KITLG: variants seen among roughly 807,000 people sequenced by gnomAD.
KITLG encodes the protein c-Kit ligand.
KITLG carries 13 observed loss-of-function variants against 34.1 expected under a neutral mutation model. The ratio of observed to expected loss-of-function variants is 0.38; its 90% CI spans 0.25 to 0.61. The LOEUF (loss-of-function observed/expected upper bound fraction) is 0.61. Among genes scored for constraint, KITLG ranks in the 20% least tolerant of loss-of-function variants. The pLI, the probability that KITLG is intolerant of heterozygous loss-of-function variation, is 0.60. For synonymous variants in KITLG, 110 were observed against 104.0 expected (o/e 1.06, Z -0.35); for missense variants, 292 against 318.9 (o/e 0.92, Z 0.64).
At chr12:88,566,552 G>C (rs1434687635) in intron 1 of KITLG, among the ~76,000 whole-genome samples, 1 of 152,190 alleles carries the variant, frequency 6.6e-6, no homozygotes, top group African/African-American at 2.4e-5. Context: ...ACTTCCTGGA[G>C]TAGAGACCAT....
Position 88,495,657 on chromosome 12 carries a change from T to C in KITLG, c.*1562A>G, listed in dbSNP as rs936933438. 6 of 152,574 alleles carry C rather than the reference T, an allele frequency of 3.9e-5. No individual in the cohort carries two copies. The highest frequency in any genetic ancestry group is 1.4e-4 in the African/African-American group (6 of 41,450). The allele number at this position is 152,574 out of a possible 1,614,324, so 9.5% of individuals were successfully genotyped here. On this transcript the variant is annotated 3_prime_UTR_variant, in exon 10 of 10. Coordinates refer to ENST00000644744, the MANE Select transcript of KITLG (RefSeq NM_000899.5). ...TAAAATCCAAATATACTAGAAATTC[T>C]TGGACTTTTGAAATGAAAGGAAAGC...
intron 3 of KITLG, among the ~76,000 whole-genome samples, chr12:88,521,134 T>C (rs1001194527): frequency 1.3e-5 from 2 of 152,204 alleles, no homozygotes; most frequent in Non-Finnish European, 2.9e-5. Flanking sequence ...GAATCATAAA[T>C]TCAAAGTTCT....
intron 1 of KITLG, among the ~76,000 whole-genome samples, chr12:88,559,548 T>C (rs1255021220): frequency 6.6e-6 from 1 of 152,090 alleles, no homozygotes; most frequent in African/African-American, 2.4e-5. Context: ...TTGAAGTATA[T>C]CCCAGGTTTC....
intron 1 of KITLG, among the ~76,000 whole-genome samples, chr12:88,548,238 G>A (rs983000894): frequency 3.9e-5 from 6 of 152,000 alleles, no homozygotes; most frequent in Non-Finnish European, 5.9e-5. Context: ...GGCGGATCAC[G>A]AGGTCAGGAG....
intron 1 of KITLG, among the ~76,000 whole-genome samples, chr12:88,572,978 G>A (rs533603733): frequency 6.6e-6 from 1 of 152,224 alleles, no homozygotes; most frequent in East Asian, 1.9e-4. Context: ...CCAAACTAAA[G>A]CAATCACAGA....
chr12:88,568,768 G>A (rs573665967), intron 1 of KITLG, among the ~76,000 whole-genome samples: 6 of 152,072 alleles, frequency 3.9e-5, no homozygotes, highest in African/African-American at 7.2e-5. Flanking sequence ...ATTGTGAATC[G>A]TGATTACAAA....
chr12:88,556,620 G>T (rs1237948359), intron 1 of KITLG, among the ~76,000 whole-genome samples: 1 of 152,212 alleles, frequency 6.6e-6, no homozygotes, highest in Non-Finnish European at 1.5e-5. Context: ...TCCAGTTTGG[G>T]TGACTGTGTA....
At chr12:88,547,550 A>T (rs1444533916) in intron 1 of KITLG, among the ~76,000 whole-genome samples, 1 of 152,196 alleles carries the variant, frequency 6.6e-6, no homozygotes, top group Non-Finnish European at 1.5e-5. Context: ...ACTGTCCCTT[A>T]ATAACAGTCT....
chr12:88,509,696 A>G (rs1869201622), intron 6 of KITLG, among the ~76,000 whole-genome samples: 1 of 152,174 alleles, frequency 6.6e-6, no homozygotes, highest in Non-Finnish European at 1.5e-5. Flanking sequence ...CATAGAGGTC[A>G]ATGTTACCTC....
At chr12:88,560,207 T>C (rs1415753077) in intron 1 of KITLG, among the ~76,000 whole-genome samples, 1 of 152,218 alleles carries the variant, frequency 6.6e-6, no homozygotes, top group Non-Finnish European at 1.5e-5. Context: ...TACATGACTA[T>C]TAATGCTCTA....
intron 3 of KITLG, among the ~76,000 whole-genome samples, chr12:88,527,347 CA>C (rs1423122964): frequency 6.6e-6 from 1 of 152,036 alleles, no homozygotes; most frequent in Non-Finnish European, 1.5e-5. Flanking sequence ...CCTCAGGTAT[CA>C]AAGAAAATGG....
In KITLG at chr12:88,545,760, T is replaced by G. The variant is rs772453752; in HGVS notation, c.121A>C (p.Thr41Pro). The G allele has an allele frequency of 5.7e-6, 9 of 1,577,074 alleles. No homozygotes were observed. The Admixed American group carries it at 1.2e-4, about 20-fold the overall frequency. The change falls in exon 2 of 10, where the codon ACT becomes CCT. Residue 41 changes from threonine to proline, a missense_variant. By Grantham distance (38) the Thr-to-Pro change is conservative (BLOSUM62 -1). This residue lies in a region of KITLG where 152 missense variants were observed against 207.9 expected (regional missense o/e 0.73). Coordinates refer to ENST00000644744, the MANE Select transcript of KITLG (RefSeq NM_000899.5). ...AAGCATTCCTTACTTACCAATTTAG[T>G]GACGTCTTTTACATTATTAGTCACA... is the stretch of plus-strand genomic sequence containing the variant. ...NRVTNNVKDV[T>P]KLVANLPKDY...
In KITLG at chr12:88,545,764, G is replaced by A. The variant is rs551116470; in HGVS notation, c.117C>T (p.Asp39=). ...ATTCCTTACTTACCAATTTAGTGAC[G>A]TCTTTTACATTATTAGTCACACGAT... is the stretch of plus-strand genomic sequence containing the variant. The part of the protein sequence containing the change: ...CRNRVTNNVK[D]VTKLVANLPK... The change falls in exon 2 of 10, where the codon GAC becomes GAT. Residue 39 remains aspartate (D), a synonymous_variant. Transcript: ENST00000644744. 6.9e-6 allele frequency: 11 copies of A among 1,585,284 alleles called. No homozygotes were observed. Among genetic ancestry groups the A allele is most frequent in the African/African-American group, 2.7e-5 (2 of 74,376 alleles).
chr12:88,578,077 C>G (rs1466507185), intron 1 of KITLG, among the ~76,000 whole-genome samples: 1 of 152,184 alleles, frequency 6.6e-6, no homozygotes, highest in Non-Finnish European at 1.5e-5. Context: ...GTCCAATTTA[C>G]ATAGGCTACC....
chr12:88,563,798 T>C (rs1162945807), intron 1 of KITLG, among the ~76,000 whole-genome samples: 1 of 151,990 alleles, frequency 6.6e-6, no homozygotes, highest in Middle Eastern at 3.2e-3. Flanking sequence ...CCACCTCTAC[T>C]AAAAATACAA....
At chr12:88,525,183 C>T (rs576306464) in intron 3 of KITLG, among the ~76,000 whole-genome samples, 7 of 152,182 alleles carry the variant, frequency 4.6e-5, no homozygotes, top group African/African-American at 7.2e-5. Context: ...TAGAATGAGG[C>T]GGAGAAACAG....
intron 2 of KITLG, among the ~76,000 whole-genome samples, chr12:88,539,661 C>T (rs2120897602): frequency 6.6e-6 from 1 of 152,242 alleles, no homozygotes; most frequent in Non-Finnish European, 1.5e-5. Context: ...GTGGTTCATA[C>T]CTGTAATCCT....
At chr12:88,573,192 A>G (rs1023227655) in intron 1 of KITLG, among the ~76,000 whole-genome samples, 1 of 152,168 alleles carries the variant, frequency 6.6e-6, no homozygotes, top group Non-Finnish European at 1.5e-5. Context: ...CTCCATCTAG[A>G]GTTCTGCAGT....
At chr12:88,527,440 G>A (rs1869915956) in intron 3 of KITLG, among the ~76,000 whole-genome samples, 1 of 152,198 alleles carries the variant, frequency 6.6e-6, no homozygotes, top group Non-Finnish European at 1.5e-5. Context: ...ACCTGAGGAA[G>A]GGTACTGAAG....
Sources: allele counts gnomAD v4.1 joint callset (sites outside exome capture counted in the v4.1 genomes callset), GRCh38; gene constraint gnomAD v4.1.1; regional missense constraint gnomAD v4.1.1; transcripts MANE v1.5; gene names NCBI Gene and HGNC (gene_info 2026-07-23, HGNC 2026-07-21).